PDE6B: variants seen among roughly 807,000 people sequenced by gnomAD.
PDE6B encodes the protein phosphodiesterase 6B.
A neutral mutation model predicts 109.0 loss-of-function variants in PDE6B; 106 were observed. The ratio of observed to expected loss-of-function variants is 0.97; its 90% CI spans 0.83 to 1.14. The LOEUF (loss-of-function observed/expected upper bound fraction) is 1.14, where lower values mean the gene tolerates loss of function less well. PDE6B is among the 50% of genes most tolerant of loss of function. PDE6B has a pLI of 0.00. For synonymous variants in PDE6B, 490 were observed against 471.3 expected, an observed-to-expected ratio of 1.04 and a Z score of -0.51; for missense variants, 1,193 against 1,155.6, an observed-to-expected ratio of 1.03 and a Z score of -0.47.
In PDE6B at chr4:665,611, G is replaced by A. The variant is rs1737707180; in HGVS notation, c.2268+282G>A. On this transcript the variant is annotated intron_variant, in intron 19 of 21. Coordinates refer to ENST00000496514, the MANE Select transcript of PDE6B (RefSeq NM_000283.4). The surrounding 1 kb of genome is among the most constrained non-coding windows in gnomAD (Gnocchi z 4.0). Reference sequence around the variant, plus strand: ...CCTCTGGGTCCAGGCAGCTCTGCAGGTGAACCCCAGCAGGGCCGCGAGCCA... The same window carrying A: ...CCTCTGGGTCCAGGCAGCTCTGCAGATGAACCCCAGCAGGGCCGCGAGCCA... 6.6e-6 allele frequency among the ~76,000 whole-genome samples: 1 copy of A among 152,192 alleles called. No homozygotes were observed. The highest frequency in any genetic ancestry group is 6.5e-5 in the Admixed American group (1 of 15,288).
Position 665,423 on chromosome 4 carries a change from C to T in PDE6B, c.2268+94C>T. 1 of 861,742 alleles carries T rather than the reference C, an allele frequency of 1.2e-6. No homozygotes were observed. Among genetic ancestry groups the T allele is most frequent in the South Asian group, 1.4e-5 (1 of 71,982 alleles). The allele number at this position is 861,742 out of a possible 1,614,324, so 53.4% of individuals were successfully genotyped here. A position where few individuals can be genotyped will look rare whatever the true frequency, so the allele number is the denominator to read the frequency against. On this transcript the variant is annotated intron_variant, in intron 19 of 21. Coordinates refer to ENST00000496514, the MANE Select transcript of PDE6B (RefSeq NM_000283.4). The surrounding 1 kb of genome is among the most constrained non-coding windows in gnomAD (Gnocchi z 4.0). ...CCTCAGGTCCTGGCTTGGTCTCAGGCAGGGGGTTCTGAGGTCGTGGGGTCC... is the reference window on the plus strand; with the variant it reads ...CCTCAGGTCCTGGCTTGGTCTCAGGTAGGGGGTTCTGAGGTCGTGGGGTCC...
In PDE6B at chr4:635,974, C is replaced by A; in HGVS notation, c.711+5C>A. 1 of 1,558,696 alleles carries A rather than the reference C, an allele frequency of 6.4e-7. No homozygotes were observed. Among genetic ancestry groups the A allele is most frequent in the Non-Finnish European group, 8.9e-7 (1 of 1,129,622 alleles). On this transcript the variant is annotated splice_donor_5th_base_variant and intron_variant, in intron 3 of 21. Transcript: ENST00000496514. ...TGCGAGACGCGCCGCGGCCAGGTAC[C>A]CACACGCTGAGCACAGCTCTGCCCA...
At position 662,177 on chromosome 4, in the gene PDE6B, GA is replaced by G; in HGVS notation, c.1660del (p.Ile554SerfsTer21). Reference protein sequence around the residue: ...FLFSISKGYRRITYHNWRHGF... With the variant: ...FLFSISKGYRXITYHNWRHGF... ...TTCTCCATCAGCAAAGGGTACCGGA[GA>G]ATCACCTACCACAACTGGCGCCACG... On this transcript the variant is annotated frameshift_variant, in exon 13 of 22. Transcript: ENST00000496514. LOFTEE classifies it high-confidence loss of function. The surrounding 1 kb of genome is among the most constrained non-coding windows in gnomAD (Gnocchi z 4.3). 1 of 1,580,832 alleles carries G rather than the reference GA, an allele frequency of 6.3e-7. No homozygotes were observed. Among genetic ancestry groups the G allele is most frequent in the South Asian group, 1.2e-5 (1 of 86,734 alleles).
intron 1 of PDE6B, among the ~76,000 whole-genome samples, chr4:630,043 C>G (rs1390918690): frequency 6.6e-6 from 1 of 152,086 alleles, no homozygotes; most frequent in African/African-American, 2.4e-5. Flanking sequence ...AGGAAGAGAC[C>G]AGCAGGCAAG....
At chr4:661,842 G>A in intron 12 of PDE6B, 1 of 473,488 alleles carries the variant, frequency 2.1e-6, no homozygotes, top group Non-Finnish European at 3.9e-6. Flanking sequence ...CCTCCTCCCA[G>A]CTTGAGGCCA....
intron 1 of PDE6B, among the ~76,000 whole-genome samples, chr4:630,170 T>C (rs67703486): frequency 0.16 from 24,168 of 152,138 alleles, 2,133 homozygotes; most frequent in African/African-American, 0.22. Context: ...CACGATGGTG[T>C]GGCTGCATTT....
In PDE6B at chr4:666,320, A is replaced by G. The variant is rs1737791826; in HGVS notation, c.2269-211A>G. On this transcript the variant is annotated intron_variant, in intron 19 of 21. Coordinates refer to ENST00000496514, the MANE Select transcript of PDE6B (RefSeq NM_000283.4). This position sits in a 1 kb window ranked among gnomAD's most constrained non-coding sequence, Gnocchi z 5.6. ...GCTGGAGCCAACAGCAGCTGTGGGAAGAAGCTGCCCACAGTTCCTAGGAGC... is the reference window on the plus strand; with the variant it reads ...GCTGGAGCCAACAGCAGCTGTGGGAGGAAGCTGCCCACAGTTCCTAGGAGC... Among the ~76,000 whole-genome samples, 2 of 152,080 alleles carry G rather than the reference A, an allele frequency of 1.3e-5. No individual in the cohort carries two copies. The highest frequency in any genetic ancestry group is 2.9e-5 in the Non-Finnish European group (2 of 68,002).
Position 656,001 on chromosome 4 carries a change from G to T in PDE6B, c.1054G>T (p.Gly352Cys), listed in dbSNP as rs781265218. 1 of 1,592,896 alleles carries T rather than the reference G, an allele frequency of 6.3e-7. No individual in the cohort carries two copies. The highest frequency in any genetic ancestry group is 8.6e-7 in the Non-Finnish European group (1 of 1,161,134). ...SGLPSYVAESGFICNIMNASA... is the reference protein window; with the variant it reads ...SGLPSYVAESCFICNIMNASA... ...CCTTCCAAGCTACGTGGCAGAAAGC[G>T]GCTTTGTGAGTCCCGTGCTGTCTGG... Residue 352 changes from glycine to cysteine, a missense_variant, in exon 7 of 22, where the codon GGC becomes TGC. Physicochemically the swap from Gly to Cys is radical, Grantham distance 159 (BLOSUM62 -3). Transcript: ENST00000496514.
intron 3 of PDE6B, among the ~76,000 whole-genome samples, chr4:643,681 A>G (rs935302162): frequency 6.6e-6 from 1 of 152,052 alleles, no homozygotes; most frequent in African/African-American, 2.4e-5. Flanking sequence ...CATCTAAGTT[A>G]AAATCAAATT....
intron 3 of PDE6B, among the ~76,000 whole-genome samples, chr4:646,397 TTC>T (rs2109161047): frequency 6.6e-6 from 1 of 152,050 alleles, no homozygotes; most frequent in African/African-American, 2.4e-5. Context: ...CCTCGAGGTT[TTC>T]AGCTTGGTTG....
chr4:630,216 G>A (rs569996612), intron 1 of PDE6B, among the ~76,000 whole-genome samples: 10 of 152,190 alleles, frequency 6.6e-5, no homozygotes, highest in African/African-American at 2.4e-4. Flanking sequence ...CGGACAGGGA[G>A]GCCGAGGGAT....
chr4:667,507 C>T (rs547929565), intron 20 of PDE6B, among the ~76,000 whole-genome samples: 27 of 152,242 alleles, frequency 1.8e-4, no homozygotes, highest in Middle Eastern at 3.4e-3. Flanking sequence ...GTGGGAGGGA[C>T]GGGAGAAGGC....
Position 625,808 on chromosome 4 carries a change from A to AG in PDE6B, c.183dup (p.Leu62AlafsTer104). 1 of 1,613,220 alleles carries AG rather than the reference A, an allele frequency of 6.2e-7. No homozygotes were observed. Among genetic ancestry groups the AG allele is most frequent in the Non-Finnish European group, 8.5e-7 (1 of 1,179,924 alleles). ...GTGGAGGAGAGCACGGCGCTGCTGG[A>AG]GCTGGTGCAGGATATGCAGGAGAGC... On this transcript the variant is annotated frameshift_variant, in exon 1 of 22. Transcript: ENST00000496514. LOFTEE classifies it high-confidence loss of function. This position sits in a 1 kb window ranked among gnomAD's most constrained non-coding sequence, Gnocchi z 5.0.
At chr4:639,845 C>T (rs1218948290) in intron 3 of PDE6B, among the ~76,000 whole-genome samples, 1 of 152,102 alleles carries the variant, frequency 6.6e-6, no homozygotes, top group Non-Finnish European at 1.5e-5. Flanking sequence ...GTGGCGCATG[C>T]CTGTAGTCCC....
At chr4:664,265 G>A (rs1311635182) in intron 17 of PDE6B, 44 bp downstream of exon 17, 3 of 1,075,358 alleles carry the variant, frequency 2.8e-6, no homozygotes, top group Non-Finnish European at 4.4e-6. Flanking sequence ...TCCCTCGCAG[G>A]GACCGGGCCC....
chr4:650,039 T>C (rs1360412983), intron 3 of PDE6B, among the ~76,000 whole-genome samples: 2 of 152,188 alleles, frequency 1.3e-5, no homozygotes, highest in African/African-American at 4.8e-5. Flanking sequence ...TCAGCTTCCA[T>C]GCAGCCCAGA....
intron 3 of PDE6B, chr4:652,188 G>C (rs540327197): frequency 6.5e-6 from 1 of 153,498 alleles, no homozygotes; most frequent in African/African-American, 2.4e-5. Flanking sequence ...TGTTGGACGA[G>C]AGAGGCTGGT....
chr4:629,099 G>A (rs1038451881), intron 1 of PDE6B, among the ~76,000 whole-genome samples: 15 of 152,286 alleles, frequency 9.8e-5, no homozygotes, highest in East Asian at 5.8e-4. Flanking sequence ...TGGGCCAGCC[G>A]GGTGAGAGGC....
intron 8 of PDE6B, among the ~76,000 whole-genome samples, chr4:656,570 T>C (rs1736281728): frequency 6.6e-6 from 1 of 151,422 alleles, no homozygotes; most frequent in South Asian, 2.1e-4. Context: ...TGCGAGGCCG[T>C]GACCGCGGCC....
Sources: gnomAD v4.1 joint callset for allele counts (sites outside exome capture counted in the v4.1 genomes callset) on GRCh38, gnomAD v4.1.1 for gene constraint, Gnocchi (gnomAD v3.1) non-coding constraint, MANE v1.5 for transcripts, NCBI Gene and HGNC (gene_info 2026-07-23, HGNC 2026-07-21) for gene names.